The following STARD13 variants were observed in gnomAD, a reference collection of about 807,000 sequenced individuals.
STARD13 encodes the protein stAR-related lipid transfer protein 13.
A neutral mutation model predicts 106.4 loss-of-function variants in STARD13; 62 were observed. That is an observed-to-expected ratio of 0.58 (90% confidence interval 0.48 to 0.72). STARD13 has a LOEUF of 0.72. Ranked by LOEUF, STARD13 falls within the 30% of genes least tolerant of loss-of-function variation. The pLI, the probability that STARD13 is intolerant of heterozygous loss-of-function variation, is 0.00. For synonymous variants in STARD13, 565 were observed against 553.0 expected, an observed-to-expected ratio of 1.02 and a Z score of -0.31; for missense variants, 1,387 against 1,424.0, an observed-to-expected ratio of 0.97 and a Z score of 0.42.
chr13:33,582,089 G>A, the STARD13 span, among the ~76,000 whole-genome samples: 2 of 152,084 alleles, frequency 1.3e-5, no homozygotes, highest in Admixed American at 6.5e-5. Flanking sequence ...GGGCGTGGTG[G>A]TGGGTGCCTG....
the STARD13 span, among the ~76,000 whole-genome samples, chr13:33,430,912 G>A: frequency 6.6e-6 from 1 of 152,132 alleles, no homozygotes; most frequent in African/African-American, 2.4e-5. Flanking sequence ...AGGCTACAAA[G>A]GATAGAAGGG....
chr13:33,321,462 T>C (rs1313373749), intron 1 of STARD13, among the ~76,000 whole-genome samples: 1 of 149,826 alleles, frequency 6.7e-6, no homozygotes, highest in African/African-American at 2.5e-5. Flanking sequence ...GCTGAGATCA[T>C]GCCACTGCAC....
chr13:33,461,813 C>G, the STARD13 span, among the ~76,000 whole-genome samples: 5 of 152,134 alleles, frequency 3.3e-5, no homozygotes, highest in Admixed American at 2.0e-4. Flanking sequence ...AATAGACACA[C>G]TTTTTAGAAT....
chr13:33,268,305 G>C (rs1891000300), intron 1 of STARD13, among the ~76,000 whole-genome samples: 1 of 152,134 alleles, frequency 6.6e-6, no homozygotes, highest in African/African-American at 2.4e-5. Flanking sequence ...GATTCACTAG[G>C]ATTGTGGCTG....
chr13:33,646,048 C>T, the STARD13 span, among the ~76,000 whole-genome samples: 12 of 152,140 alleles, frequency 7.9e-5, no homozygotes, highest in Non-Finnish European at 1.5e-5. Context: ...TTAACACGGA[C>T]AAAAAGCTTA....
At chr13:33,507,594 TGAAC>T in the STARD13 span, among the ~76,000 whole-genome samples, 1 of 152,144 alleles carries the variant, frequency 6.6e-6, no homozygotes, top group Non-Finnish European at 1.5e-5. Context: ...AATTGACCCT[TGAAC>T]AAGGCACATG....
intron 1 of STARD13, among the ~76,000 whole-genome samples, chr13:33,252,611 A>G (rs1268138310): frequency 6.6e-6 from 1 of 152,230 alleles, no homozygotes; most frequent in Non-Finnish European, 1.5e-5. Flanking sequence ...CAATTTTGTC[A>G]CTATCAATAG....
intron 1 of STARD13, among the ~76,000 whole-genome samples, chr13:33,168,002 T>G (rs1471526537): frequency 3.3e-5 from 5 of 152,022 alleles, no homozygotes; most frequent in Non-Finnish European, 7.4e-5. Context: ...AATGGAATTT[T>G]TTTTTTAAGT....
chr13:33,343,571 C>G (rs1308380135), intron 1 of STARD13, among the ~76,000 whole-genome samples: 7 of 45,240 alleles, frequency 1.5e-4, no homozygotes, highest in African/African-American at 5.3e-4. Context: ...GATTGAGACC[C>G]TGTCTTAAAA....
At chr13:33,439,999 G>A in the STARD13 span, among the ~76,000 whole-genome samples, 1 of 152,186 alleles carries the variant, frequency 6.6e-6, no homozygotes, top group Non-Finnish European at 1.5e-5. Flanking sequence ...TACAGGCCTT[G>A]TGCAGTGGCT....
At chr13:33,464,409 A>G in the STARD13 span, among the ~76,000 whole-genome samples, 1 of 151,478 alleles carries the variant, frequency 6.6e-6, no homozygotes, top group Admixed American at 6.6e-5. Flanking sequence ...ACCTTATTTG[A>G]TAAGAGATGA....
chr13:33,443,131 C>T, the STARD13 span, among the ~76,000 whole-genome samples: 11,330 of 152,098 alleles, frequency 0.074, 467 homozygotes, highest in East Asian at 0.13. Flanking sequence ...GTAATCCCAG[C>T]ACTTTGGGAG....
intron 3 of STARD13, among the ~76,000 whole-genome samples, chr13:33,143,622 C>T (rs57507855): frequency 0.017 from 2,616 of 152,270 alleles, 91 homozygotes; most frequent in African/African-American, 0.06. Context: ...TCGCAATCTC[C>T]GGCTCACTGC....
At chr13:33,388,156 C>A in the STARD13 span, among the ~76,000 whole-genome samples, 1 of 152,196 alleles carries the variant, frequency 6.6e-6, no homozygotes, top group Non-Finnish European at 1.5e-5. Flanking sequence ...AGGAGGCGAG[C>A]AGAGCCAACA....
At chr13:33,520,905 A>G in the STARD13 span, among the ~76,000 whole-genome samples, 56 of 152,062 alleles carry the variant, frequency 3.7e-4, no homozygotes, top group Non-Finnish European at 4.9e-4. Flanking sequence ...TCTATCCCCC[A>G]CACTAGGTCT....
chr13:33,540,733 A>G, the STARD13 span, among the ~76,000 whole-genome samples: 4 of 152,230 alleles, frequency 2.6e-5, no homozygotes, highest in East Asian at 5.8e-4. Flanking sequence ...TCTTTTTTCA[A>G]TAAAGTGTGA....
chr13:33,471,638 T>A, the STARD13 span, among the ~76,000 whole-genome samples: 1 of 152,138 alleles, frequency 6.6e-6, no homozygotes, highest in South Asian at 2.1e-4. Flanking sequence ...CCCCTGTTTT[T>A]TTTTTTTTTT....
downstream of STARD13, among the ~76,000 whole-genome samples, chr13:33,344,172 G>A (rs78431795): frequency 0.018 from 2,698 of 151,174 alleles, 83 homozygotes; most frequent in African/African-American, 0.061. Flanking sequence ...CAGAATCTCC[G>A]GGAGGAGGTC....
the STARD13 span, among the ~76,000 whole-genome samples, chr13:33,475,793 T>C: frequency 6.6e-6 from 1 of 151,920 alleles, no homozygotes; most frequent in Non-Finnish European, 1.5e-5. Context: ...CCGTTTCTAC[T>C]AAAAATACAA....
Sources: gnomAD v4.1 joint callset for allele counts (sites outside exome capture counted in the v4.1 genomes callset) on GRCh38, gnomAD v4.1.1 for gene constraint, MANE v1.5 for transcripts, NCBI Gene and HGNC (gene_info 2026-07-23, HGNC 2026-07-21) for gene names.